SVEP1: variants seen among roughly 807,000 people sequenced by gnomAD.
The protein encoded by SVEP1 is sushi, von Willebrand factor type A, EGF and pentraxin domain containing 1.
SVEP1 carries 164 observed loss-of-function variants against 367.3 expected under a neutral mutation model. The ratio of observed to expected loss-of-function variants is 0.45; its 90% CI spans 0.39 to 0.51. The LOEUF is 0.51. Among genes scored for constraint, SVEP1 ranks in the 20% least tolerant of loss-of-function variants. The pLI is 0.00. For missense variants in SVEP1, 4,117 were observed against 4,425.3 expected (o/e 0.93, Z 1.98); for synonymous variants, 1,666 against 1,611.6 (o/e 1.03, Z -0.81).
intron 40 of SVEP1, among the ~76,000 whole-genome samples, chr9:110,396,021 A>G (rs1352988165): frequency 6.6e-6 from 1 of 152,086 alleles, no homozygotes; most frequent in East Asian, 1.9e-4. Flanking sequence ...CATCTACAGA[A>G]CTGTCCACCC....
intron 13 of SVEP1, among the ~76,000 whole-genome samples, chr9:110,478,796 A>G (rs1290932423): frequency 2.6e-5 from 4 of 152,250 alleles, no homozygotes; most frequent in African/African-American, 9.6e-5. Context: ...AAGCAGCACA[A>G]TAAAATGTTA....
At chr9:110,481,675 A>C (rs1378040159) in intron 11 of SVEP1, among the ~76,000 whole-genome samples, 1 of 151,900 alleles carries the variant, frequency 6.6e-6, no homozygotes, top group Non-Finnish European at 1.5e-5. Flanking sequence ...TTTTATAAAA[A>C]AGTTAAAGTA....
chr9:110,464,935 C>T (rs1396874273), intron 18 of SVEP1, among the ~76,000 whole-genome samples: 1 of 152,108 alleles, frequency 6.6e-6, no homozygotes, highest in Non-Finnish European at 1.5e-5. Flanking sequence ...ATTTCATTGT[C>T]ATTCTAAGTT....
intron 40 of SVEP1, among the ~76,000 whole-genome samples, chr9:110,395,180 A>G (rs1827736797): frequency 6.6e-6 from 1 of 152,252 alleles, no homozygotes; most frequent in South Asian, 2.1e-4. Context: ...AAGCCAGAAG[A>G]GAGTGGGGGC....
At chr9:110,449,910 C>A in intron 24 of SVEP1, 149 bp downstream of exon 24, 1 of 891,172 alleles carries the variant, frequency 1.1e-6, no homozygotes, top group Non-Finnish European at 1.7e-6. Context: ...GCAGAAATGG[C>A]GGTGGGAATA....
At chr9:110,401,149 A>G in intron 39 of SVEP1, 140 bp from the exon 40 acceptor site, 2 of 971,178 alleles carry the variant, frequency 2.1e-6, no homozygotes, top group Non-Finnish European at 3.0e-6. Flanking sequence ...TACTTTTGCT[A>G]CTTATTATAT....
intron 13 of SVEP1, among the ~76,000 whole-genome samples, chr9:110,476,597 T>C (rs980301208): frequency 5.3e-5 from 8 of 152,168 alleles, no homozygotes; most frequent in Non-Finnish European, 1.2e-4. Flanking sequence ...TTTCGCTATA[T>C]GGCTCTTTGG....
chr9:110,372,302 C>T (rs996754093), intron 46 of SVEP1, among the ~76,000 whole-genome samples: 1 of 152,182 alleles, frequency 6.6e-6, no homozygotes, highest in Non-Finnish European at 1.5e-5. Flanking sequence ...TTAACACGTC[C>T]TAGTTATCTA....
intron 28 of SVEP1, among the ~76,000 whole-genome samples, chr9:110,435,984 A>G (rs889161761): frequency 6.6e-5 from 10 of 152,100 alleles, no homozygotes; most frequent in Admixed American, 6.5e-4. Context: ...GGTTTTAGCC[A>G]CTAGGTCGTA....
Position 110,411,592 on chromosome 9 carries a change from C to G in SVEP1, c.6119G>C (p.Gly2040Ala), listed in dbSNP as rs1474563444. 3.7e-6 allele frequency: 6 copies of G among 1,613,856 alleles called. No individual in the cohort carries two copies. The highest frequency in any genetic ancestry group is 5.1e-6 in the Non-Finnish European group (6 of 1,179,862). ...ASPETAHRLF[G>A]DIAFYYCSDG... Reference sequence around the variant, plus strand: ...AGAGCAGTAGTAGAATGCAATGTCTCCAAAGAGCCGATGGGCAGTCTCTGG... The same window carrying G: ...AGAGCAGTAGTAGAATGCAATGTCTGCAAAGAGCCGATGGGCAGTCTCTGG... The change falls in exon 37 of 48, where the codon GGA becomes GCA. Residue 2040 changes from glycine (G) to alanine (A), a missense_variant. Coordinates refer to ENST00000374469, the MANE Select transcript of SVEP1 (RefSeq NM_153366.4).
chr9:110,501,511 G>GA (rs1166742750), intron 6 of SVEP1, among the ~76,000 whole-genome samples: 1 of 151,532 alleles, frequency 6.6e-6, no homozygotes, highest in Non-Finnish European at 1.5e-5. Flanking sequence ...TTGTTGTGGG[G>GA]GGGGCAGGCT....
At chr9:110,570,058 A>G (rs1292514152) in intron 1 of SVEP1, among the ~76,000 whole-genome samples, 1 of 152,238 alleles carries the variant, frequency 6.6e-6, no homozygotes. Context: ...ATGCTAAACA[A>G]CAACTCTCAC....
rs929451489 is a variant in SVEP1, at chr9:110,365,976, A to G, written c.*563T>C. On this transcript the variant is annotated 3_prime_UTR_variant, in exon 48 of 48. Coordinates refer to ENST00000374469, the MANE Select transcript of SVEP1 (RefSeq NM_153366.4). ...TTATGTGGTGGAGAGTACCAGGTCCAACAGTTACTCTCTGATTGATTAAAT... is the reference window on the plus strand; with the variant it reads ...TTATGTGGTGGAGAGTACCAGGTCCGACAGTTACTCTCTGATTGATTAAAT... The G allele has an allele frequency of 7.9e-5, 12 of 152,372 alleles. No homozygotes were observed. The highest frequency in any genetic ancestry group is 2.9e-4 in the African/African-American group (12 of 41,584). The allele number at this position is 152,372 out of a possible 1,614,324, so 9.4% of individuals were successfully genotyped here.
At chr9:110,570,970 C>CTTTTTTTTTTTTTTTTT (rs374900472) in intron 1 of SVEP1, among the ~76,000 whole-genome samples, 2 of 114,928 alleles carry the variant, frequency 1.7e-5, no homozygotes, top group African/African-American at 6.2e-5. Context: ...CAGATGGCTC[C>CTTTTTTTTTTTTTTTTT]TTTTTTTTTT....
intron 5 of SVEP1, among the ~76,000 whole-genome samples, chr9:110,503,965 G>A (rs917069194): frequency 1.3e-5 from 2 of 152,118 alleles, no homozygotes; most frequent in African/African-American, 4.8e-5. Context: ...CTCAACTAAT[G>A]AGAGCCCATA....
At chr9:110,472,516 A>G (rs1829037072) in intron 14 of SVEP1, among the ~76,000 whole-genome samples, 193 bp from the exon 15 acceptor site, 2 of 152,206 alleles carry the variant, frequency 1.3e-5, no homozygotes, top group African/African-American at 4.8e-5. Flanking sequence ...AATACAGATT[A>G]CCAATGAATA....
rs568658633 is a variant in SVEP1 at position 110,496,192 on chromosome 9, T to C, written c.1800+623A>G. Among the ~76,000 whole-genome samples, 25 of 152,316 alleles carry C rather than the reference T, an allele frequency of 1.6e-4. No homozygotes were observed. In the South Asian group the frequency reaches 4.1e-3, roughly 25 times the overall value. ...ACAAAGAGTATTGTGATGGTTAATA[T>C]TGAGCGTCAACTTGATTGGATTGAA... is the stretch of plus-strand genomic sequence containing the variant. On this transcript the variant is annotated intron_variant, in intron 8 of 47. Transcript: ENST00000374469.
At chr9:110,548,201 A>G (rs747324078) in intron 2 of SVEP1, among the ~76,000 whole-genome samples, 1 of 152,210 alleles carries the variant, frequency 6.6e-6, no homozygotes, top group African/African-American at 2.4e-5. Context: ...CATGTGCTAC[A>G]TACTATATTG....
chr9:110,505,433 GC>G (rs2118760055), intron 5 of SVEP1, among the ~76,000 whole-genome samples: 1 of 152,230 alleles, frequency 6.6e-6, no homozygotes, highest in African/African-American at 2.4e-5. Flanking sequence ...CCTTGGACCT[GC>G]CCCCTAGAAT....
Sources: allele counts gnomAD v4.1 joint callset (sites outside exome capture counted in the v4.1 genomes callset), GRCh38; gene constraint gnomAD v4.1.1; transcripts MANE v1.5; gene names NCBI Gene and HGNC (gene_info 2026-07-23, HGNC 2026-07-21).